The following ASTN2 variants were observed in gnomAD, a reference collection of about 807,000 sequenced individuals.
The protein encoded by ASTN2 is astrotactin-2.
In ASTN2, 54 loss-of-function variants were observed where a neutral mutation model predicts 139.8. That is an observed-to-expected ratio of 0.39 (90% CI 0.31 to 0.48). The LOEUF (loss-of-function observed/expected upper bound fraction) is 0.48, where lower values mean the gene tolerates loss of function less well. Ranked by LOEUF, ASTN2 falls within the 20% of genes least tolerant of loss-of-function variation. The pLI, the probability that ASTN2 is intolerant of heterozygous loss-of-function variation, is 0.95. For missense variants in ASTN2, 1,565 were observed against 1,725.1 expected, an observed-to-expected ratio of 0.91 and a Z score of 1.64; for synonymous variants, 756 against 719.5, an observed-to-expected ratio of 1.05 and a Z score of -0.81.
At chr9:117,059,836 G>A (rs1839185811) in intron 5 of ASTN2, among the ~76,000 whole-genome samples, 1 of 152,036 alleles carries the variant, frequency 6.6e-6, no homozygotes, top group South Asian at 2.1e-4. Context: ...TCCTGTATGG[G>A]CCAAACTGGG....
chr9:116,459,951 AAAAT>A (rs1450063179), intron 20 of ASTN2, among the ~76,000 whole-genome samples: 1 of 152,138 alleles, frequency 6.6e-6, no homozygotes, highest in Non-Finnish European at 1.5e-5. Context: ...GACTTGCATA[AAAAT>A]TTTCATAGCA....
chr9:116,577,515 G>C (rs1021080297), intron 19 of ASTN2, among the ~76,000 whole-genome samples: 35 of 150,620 alleles, frequency 2.3e-4, no homozygotes, highest in African/African-American at 8.6e-4. Flanking sequence ...ATGGGCAACA[G>C]AATGAAACTG....
intron 13 of ASTN2, among the ~76,000 whole-genome samples, chr9:116,758,646 T>A (rs1221444934): frequency 6.6e-6 from 1 of 152,168 alleles, no homozygotes; most frequent in Non-Finnish European, 1.5e-5. Flanking sequence ...TATGCAGGGA[T>A]GTGTCTCCTT....
chr9:116,765,300 G>T (rs1829780188), intron 13 of ASTN2, among the ~76,000 whole-genome samples: 1 of 152,142 alleles, frequency 6.6e-6, no homozygotes, highest in Non-Finnish European at 1.5e-5. Flanking sequence ...CCTGGCCCCA[G>T]AGTCGGGCTA....
chr9:117,227,673 T>C (rs1438392076), intron 2 of ASTN2, among the ~76,000 whole-genome samples: 2 of 152,208 alleles, frequency 1.3e-5, no homozygotes, highest in Non-Finnish European at 2.9e-5. Flanking sequence ...TCCCTTTTGG[T>C]GCCCAGGTAA....
chr9:117,278,810 A>C (rs1028111054), intron 2 of ASTN2, among the ~76,000 whole-genome samples: 4 of 152,160 alleles, frequency 2.6e-5, no homozygotes, highest in African/African-American at 9.7e-5. Flanking sequence ...GTGAAGTGAA[A>C]TGTAGTTGCG....
chr9:117,168,378 C>A (rs757533186), intron 3 of ASTN2, among the ~76,000 whole-genome samples: 1 of 152,134 alleles, frequency 6.6e-6, no homozygotes, highest in Non-Finnish European at 1.5e-5. Context: ...TGATGACCTA[C>A]GGTCACACAC....
intron 6 of ASTN2, among the ~76,000 whole-genome samples, chr9:117,026,025 A>G (rs1258848800): frequency 1.3e-5 from 2 of 151,788 alleles, no homozygotes; most frequent in Non-Finnish European, 2.9e-5. Context: ...TCAGCCTCCC[A>G]AAGTGTTGGG....
rs770383479 is a variant in ASTN2, at chr9:116,839,844, T to TTTTA, written c.2041-19062_2041-19061insTAAA. Among the ~76,000 whole-genome samples the TTTTA allele has an allele frequency of 7.6e-4, 103 of 135,612 alleles. 1 individual carries two copies. Among genetic ancestry groups the TTTTA allele is most frequent in the African/African-American group, 2.4e-3 (86 of 35,738 alleles). The allele number at this position is 135,612 out of a possible 152,430, so 89.0% of individuals were successfully genotyped here. A position where few individuals can be genotyped will look rare whatever the true frequency, so the allele number is the denominator to read the frequency against. On this transcript the variant is annotated intron_variant, in intron 11 of 22. Transcript: ENST00000313400. ...CGCCACCACACCCAGCTGATTTTTT[T>TTTTA]ATTTTATTTTATTTCATTATTATTA...
chr9:116,476,128 T>C (rs1848973446), intron 20 of ASTN2, among the ~76,000 whole-genome samples: 1 of 152,184 alleles, frequency 6.6e-6, no homozygotes, highest in African/African-American at 2.4e-5. Flanking sequence ...GAAAGAATCC[T>C]TCCTTGCCAC....
intron 2 of ASTN2, among the ~76,000 whole-genome samples, chr9:117,266,786 T>C (rs1361243636): frequency 2.6e-5 from 4 of 152,212 alleles, no homozygotes; most frequent in Non-Finnish European, 5.9e-5. Context: ...AATTAGTGGG[T>C]ATAAACTTTT....
At chr9:116,858,661 A>G (rs1832802336) in intron 11 of ASTN2, among the ~76,000 whole-genome samples, 1 of 152,030 alleles carries the variant, frequency 6.6e-6, no homozygotes, top group African/African-American at 2.4e-5. Flanking sequence ...ATATACAACA[A>G]TTTTTCACTC....
At chr9:116,687,386 G>C in intron 16 of ASTN2, 1 of 329,924 alleles carries the variant, frequency 3.0e-6, no homozygotes, top group Non-Finnish European at 4.3e-6. Context: ...GGTCAGGTAG[G>C]GGGCGGGAAG....
intron 19 of ASTN2, among the ~76,000 whole-genome samples, chr9:116,530,392 A>C (rs1482050686): frequency 1.3e-5 from 2 of 151,566 alleles, no homozygotes; most frequent in Admixed American, 1.3e-4. Flanking sequence ...TTTAGTTAGG[A>C]AGAATAAATT....
rs377711371 is a variant in ASTN2 at position 117,304,519 on chromosome 9, G to T, written c.443-13006C>A. 3.9e-5 allele frequency among the ~76,000 whole-genome samples: 6 copies of T among 152,114 alleles called. No individual in the cohort carries two copies. The East Asian group carries it at 7.7e-4, about 20-fold the overall frequency. Reference sequence around the variant, plus strand: ...GATGTTGAAATTTTGCCCTAAGAGGGATCCTGCCGTATTTCCCTCAGCCCC... The same window carrying T: ...GATGTTGAAATTTTGCCCTAAGAGGTATCCTGCCGTATTTCCCTCAGCCCC... On this transcript the variant is annotated intron_variant, in intron 1 of 22. Transcript: ENST00000313400.
At chr9:116,746,699 C>T (rs568956868) in intron 13 of ASTN2, among the ~76,000 whole-genome samples, 1 of 152,166 alleles carries the variant, frequency 6.6e-6, no homozygotes, top group East Asian at 1.9e-4. Context: ...TTTGTCAATG[C>T]CCCTCTTTTC....
chr9:116,775,896 C>T (rs988324898), intron 13 of ASTN2, among the ~76,000 whole-genome samples: 4 of 152,052 alleles, frequency 2.6e-5, no homozygotes, highest in Non-Finnish European at 5.9e-5. Context: ...TTTCTGACAT[C>T]TCAAAGGAGG....
At chr9:117,047,344 G>A (rs578014250) in intron 5 of ASTN2, among the ~76,000 whole-genome samples, 1 of 152,094 alleles carries the variant, frequency 6.6e-6, no homozygotes, top group South Asian at 2.1e-4. Context: ...CTTGGTCCTT[G>A]TCTCTCCCCA....
chr9:117,319,562 G>C (rs369503836), intron 1 of ASTN2, among the ~76,000 whole-genome samples: 2 of 151,476 alleles, frequency 1.3e-5, no homozygotes, highest in African/African-American at 4.9e-5. Flanking sequence ...AGAGTAGCTA[G>C]GATTACAGTC....
Sources: gnomAD v4.1 joint callset for allele counts (sites outside exome capture counted in the v4.1 genomes callset) on GRCh38, gnomAD v4.1.1 for gene constraint, MANE v1.5 for transcripts, NCBI Gene and HGNC (gene_info 2026-07-23, HGNC 2026-07-21) for gene names.